SNX3: variants seen among roughly 807,000 people sequenced by gnomAD.
SNX3 encodes the protein sorting nexin 3.
A neutral mutation model predicts 17.7 loss-of-function variants in SNX3; 5 were observed. The ratio of observed to expected loss-of-function variants is 0.28; its 90% CI spans 0.15 to 0.59. The LOEUF is 0.59. Ranked by LOEUF, SNX3 falls within the 20% of genes least tolerant of loss-of-function variation. The probability of loss-of-function intolerance (pLI) is 0.88; values close to 1 mark genes in which losing one functional copy is unlikely to be tolerated. For synonymous variants in SNX3, 91 were observed against 76.5 expected (o/e 1.19, Z -0.99); for missense variants, 132 against 206.8 (o/e 0.64, Z 2.22).
rs1776190449 is a variant in SNX3 at position 108,261,020 on chromosome 6, G to A, written c.-99C>T. ...TGCCCGCCGTGGGGACACGGGGCTCGCGCGCAGCGGTCGCGAAGAGAACGA... is the reference window on the plus strand; with the variant it reads ...TGCCCGCCGTGGGGACACGGGGCTCACGCGCAGCGGTCGCGAAGAGAACGA... On this transcript the variant is annotated 5_prime_UTR_variant, in exon 1 of 4. Transcript: ENST00000230085. The A allele has an allele frequency of 8.5e-7, 1 of 1,171,334 alleles. No individual in the cohort carries two copies. Among genetic ancestry groups the A allele is most frequent in the Non-Finnish European group, 1.1e-6 (1 of 891,738 alleles). The allele number at this position is 1,171,334 out of a possible 1,614,324, so 72.6% of individuals were successfully genotyped here.
intron 1 of SNX3, among the ~76,000 whole-genome samples, chr6:108,238,610 A>C (rs1325065504): frequency 6.6e-6 from 1 of 152,096 alleles, no homozygotes; most frequent in Non-Finnish European, 1.5e-5. Flanking sequence ...AACCGCCATA[A>C]AAAAGAAAAT....
intron 1 of SNX3, among the ~76,000 whole-genome samples, chr6:108,230,117 C>T (rs1403478956): frequency 6.6e-6 from 1 of 151,546 alleles, no homozygotes; most frequent in Non-Finnish European, 1.5e-5. Context: ...TCTTGGATGC[C>T]ACTTTAAATG....
intron 1 of SNX3, among the ~76,000 whole-genome samples, chr6:108,234,878 G>A (rs138529032): frequency 1.5e-3 from 226 of 152,258 alleles, no homozygotes; most frequent in Middle Eastern, 6.8e-3. Context: ...TAGGCAAAAT[G>A]CAATGGATGA....
At chr6:108,258,791 G>A (rs1010700189) in intron 1 of SNX3, among the ~76,000 whole-genome samples, 5 of 152,014 alleles carry the variant, frequency 3.3e-5, no homozygotes, top group African/African-American at 9.7e-5. Context: ...CTAGAGGCAT[G>A]AGCCACTGCG....
chr6:108,214,343 A>G (rs1165149880), intron 3 of SNX3, among the ~76,000 whole-genome samples, 155 bp downstream of exon 3: 1 of 152,252 alleles, frequency 6.6e-6, no homozygotes, highest in Non-Finnish European at 1.5e-5. Context: ...TTATCACATG[A>G]TATTCAACTT....
chr6:108,228,687 G>C (rs951296616), intron 1 of SNX3, among the ~76,000 whole-genome samples: 2 of 152,002 alleles, frequency 1.3e-5, no homozygotes, highest in Admixed American at 6.6e-5. Flanking sequence ...GTGACAGAGG[G>C]AGACGGTCTC....
At chr6:108,218,497 G>C (rs936417042) in intron 2 of SNX3, among the ~76,000 whole-genome samples, 2 of 152,164 alleles carry the variant, frequency 1.3e-5, no homozygotes, top group Non-Finnish European at 2.9e-5. Flanking sequence ...AAAGAGTTAT[G>C]ACCCAGCAAT....
intron 2 of SNX3, 145 bp downstream of exon 2, chr6:108,222,805 C>T (rs897596948): frequency 9.1e-6 from 6 of 659,964 alleles, no homozygotes; most frequent in Middle Eastern, 7.9e-4. Flanking sequence ...ACAGACTCTA[C>T]CTCTATAAAA....
intron 1 of SNX3, among the ~76,000 whole-genome samples, chr6:108,230,326 C>T (rs1041481692): frequency 6.6e-6 from 1 of 151,966 alleles, no homozygotes; most frequent in Non-Finnish European, 1.5e-5. Context: ...AAAGTGGAAG[C>T]CACAATTTTC....
intron 1 of SNX3, among the ~76,000 whole-genome samples, chr6:108,242,805 G>T (rs1562434731): frequency 6.6e-6 from 1 of 152,216 alleles, no homozygotes; most frequent in Non-Finnish European, 1.5e-5. Flanking sequence ...GGGGGCTTTA[G>T]TCTTCCCTGA....
At chr6:108,226,275 T>C (rs191937824) in intron 1 of SNX3, among the ~76,000 whole-genome samples, 8 of 152,260 alleles carry the variant, frequency 5.3e-5, no homozygotes, top group East Asian at 3.9e-4. Context: ...GGTTTCACCA[T>C]GTTGCTCAGG....
intron 1 of SNX3, among the ~76,000 whole-genome samples, chr6:108,242,695 G>A (rs1471716963): frequency 6.6e-6 from 1 of 152,120 alleles, no homozygotes; most frequent in Non-Finnish European, 1.5e-5. Context: ...CATGGCAAAG[G>A]TGAAGGGATT....
intron 1 of SNX3, among the ~76,000 whole-genome samples, chr6:108,235,251 T>C (rs1420520610): frequency 6.6e-6 from 1 of 152,146 alleles, no homozygotes; most frequent in African/African-American, 2.4e-5. Flanking sequence ...GAAGTCTAAC[T>C]CTCCCCATGA....
intron 1 of SNX3, among the ~76,000 whole-genome samples, chr6:108,240,167 A>G (rs533944105): frequency 6.6e-6 from 1 of 152,342 alleles, no homozygotes; most frequent in Admixed American, 6.5e-5. Flanking sequence ...TAATCATTCA[A>G]GAAAAACTAC....
chr6:108,213,507 C>A (rs1774469897), intron 3 of SNX3, among the ~76,000 whole-genome samples: 1 of 151,904 alleles, frequency 6.6e-6, no homozygotes, highest in Non-Finnish European at 1.5e-5. Context: ...CAAAAATAAG[C>A]CAGACACGAT....
At chr6:108,260,615 C>T (rs1776162146) in intron 1 of SNX3, 145 bp downstream of exon 1, 2 of 866,982 alleles carry the variant, frequency 2.3e-6, no homozygotes, top group African/African-American at 1.7e-5. Flanking sequence ...AAGAGGGGCC[C>T]TGGCTCACGA....
intron 1 of SNX3, among the ~76,000 whole-genome samples, chr6:108,223,477 A>T (rs144387236): frequency 8.7e-4 from 131 of 150,596 alleles, no homozygotes; most frequent in African/African-American, 3.1e-3. Context: ...TACCCATAAC[A>T]AAATAAAACT....
Position 108,225,992 on chromosome 6 carries a change from A to C in SNX3, c.163-2947T>G, listed in dbSNP as rs145921543. On this transcript the variant is annotated intron_variant, in intron 1 of 3. Coordinates refer to ENST00000230085, the MANE Select transcript of SNX3 (RefSeq NM_003795.6). ...GAGTTCCAGACTGTAGTGAACTATG[A>C]TTATGATTGCACCACTGCACTCCAG... 1.6e-3 allele frequency among the ~76,000 whole-genome samples: 226 copies of C among 142,162 alleles called. 1 individual carries two copies. The highest frequency in any genetic ancestry group is 5.5e-3 in the African/African-American group (216 of 38,982). The allele number at this position is 142,162 out of a possible 152,430, so 93.3% of individuals were successfully genotyped here.
chr6:108,234,380 C>T (rs891440381), intron 1 of SNX3, among the ~76,000 whole-genome samples: 1 of 152,018 alleles, frequency 6.6e-6, no homozygotes, highest in Admixed American at 6.6e-5. Context: ...TGGCAAAACC[C>T]GTTTCTACCA....
Sources: gnomAD v4.1 joint callset for allele counts (sites outside exome capture counted in the v4.1 genomes callset) on GRCh38, gnomAD v4.1.1 for gene constraint, MANE v1.5 for transcripts, NCBI Gene and HGNC (gene_info 2026-07-23, HGNC 2026-07-21) for gene names.